Variants in NUMB observed in about 807,000 individuals in gnomAD.
The protein encoded by NUMB is NUMB endocytic adaptor protein, also known as protein numb homolog.
NUMB carries 29 observed loss-of-function variants against 59.7 expected under a neutral mutation model. That is an observed-to-expected ratio of 0.49 (90% CI 0.36 to 0.66). The LOEUF is 0.66. NUMB is among the 30% of genes least tolerant of loss of function. The pLI, the probability that NUMB is intolerant of heterozygous loss-of-function variation, is 0.00. For missense variants in NUMB, 723 were observed against 822.0 expected, an observed-to-expected ratio of 0.88 and a Z score of 1.47; for synonymous variants, 288 against 288.2, an observed-to-expected ratio of 1.00 and a Z score of 0.01.
At chr14:73,392,762 G>A (rs972306503) in intron 2 of NUMB, among the ~76,000 whole-genome samples, 5 of 152,242 alleles carry the variant, frequency 3.3e-5, no homozygotes, top group African/African-American at 1.2e-4. Context: ...CATCTAGCAG[G>A]TAGCAGTTCA....
intron 2 of NUMB, among the ~76,000 whole-genome samples, chr14:73,367,296 TAC>T (rs1196520524): frequency 0.065 from 7,796 of 120,712 alleles, 260 homozygotes; most frequent in Non-Finnish European, 0.072. Flanking sequence ...TATATATATA[TAC>T]ACACACACAC....
At chr14:73,389,984 C>G (rs1895762310) in intron 2 of NUMB, among the ~76,000 whole-genome samples, 3 of 151,424 alleles carry the variant, frequency 2.0e-5, no homozygotes. Flanking sequence ...ATAACATAAC[C>G]CATGTTAGGA....
At chr14:73,440,317 A>G (rs1257813708) in intron 1 of NUMB, among the ~76,000 whole-genome samples, 1 of 151,798 alleles carries the variant, frequency 6.6e-6, no homozygotes, top group Non-Finnish European at 1.5e-5. Context: ...ATATATCTCA[A>G]CAGAAGAATT....
At chr14:73,279,199 C>T in intron 12 of NUMB, 82 bp downstream of exon 12, 1 of 1,484,320 alleles carries the variant, frequency 6.7e-7, no homozygotes, top group South Asian at 1.2e-5. Flanking sequence ...CCCTAGTTCC[C>T]ACTCAGCTAA....
At chr14:73,325,676 G>A (rs1204275933) in intron 4 of NUMB, among the ~76,000 whole-genome samples, 1 of 152,156 alleles carries the variant, frequency 6.6e-6, no homozygotes, top group Non-Finnish European at 1.5e-5. Context: ...AAAAGCGAGT[G>A]CTGTGATACA....
chr14:73,304,297 GTTTC>G (rs752150508), intron 6 of NUMB, among the ~76,000 whole-genome samples: 20 of 150,168 alleles, frequency 1.3e-4, no homozygotes, highest in East Asian at 1.2e-3. Flanking sequence ...AGAAACCACT[GTTTC>G]TTTCTTTCTT....
chr14:73,304,997 C>T (rs936038082), intron 6 of NUMB, among the ~76,000 whole-genome samples: 8 of 151,986 alleles, frequency 5.3e-5, no homozygotes, highest in Admixed American at 1.3e-4. Flanking sequence ...GAACTGCTGA[C>T]CTCAGGTGAT....
At chr14:73,427,016 C>T (rs1897612296) in intron 1 of NUMB, among the ~76,000 whole-genome samples, 4 of 152,064 alleles carry the variant, frequency 2.6e-5, no homozygotes, top group Admixed American at 2.0e-4. Context: ...GAGACTCTTA[C>T]ATTTAAAAAA....
chr14:73,451,159 A>C lies in NUMB; in HGVS notation c.-233+7334T>G, dbSNP rs560114005. Reference sequence around the variant, plus strand: ...ACAGAGCAGGACTCTGTCTCAAAAAAAAAAAAAAAAAAAAACAAAAAACAA... The same window carrying C: ...ACAGAGCAGGACTCTGTCTCAAAAACAAAAAAAAAAAAAAACAAAAAACAA... On this transcript the variant is annotated intron_variant, in intron 1 of 12. Coordinates refer to ENST00000555238, the MANE Select transcript of NUMB (RefSeq NM_001005743.2). Among the ~76,000 whole-genome samples the C allele has an allele frequency of 1.1e-3, 162 of 145,584 alleles. 5 individuals carry two copies. The highest frequency in any genetic ancestry group is 3.5e-3 in the Middle Eastern group (1 of 288).
chr14:73,404,076 GAA>G (rs34056438), intron 2 of NUMB, among the ~76,000 whole-genome samples: 3 of 128,080 alleles, frequency 2.3e-5, no homozygotes, highest in Non-Finnish European at 3.3e-5. Flanking sequence ...GACTCCGTCT[GAA>G]AAAAAAAAAA....
chr14:73,278,819 C>T (rs1888390572), intron 12 of NUMB, among the ~76,000 whole-genome samples: 1 of 148,888 alleles, frequency 6.7e-6, no homozygotes, highest in Non-Finnish European at 1.5e-5. Flanking sequence ...ACTCTGTCTC[C>T]CAGGTTCAAG....
intron 5 of NUMB, among the ~76,000 whole-genome samples, chr14:73,318,744 T>C (rs1891219696): frequency 1.3e-5 from 2 of 152,290 alleles, no homozygotes; most frequent in South Asian, 4.1e-4. Context: ...AGTAAATGAG[T>C]TGAAAATAGC....
At chr14:73,376,791 T>A (rs1894968601) in intron 2 of NUMB, among the ~76,000 whole-genome samples, 1 of 152,176 alleles carries the variant, frequency 6.6e-6, no homozygotes. Flanking sequence ...GTGGGAAGAC[T>A]GCTTGAGTCC....
intron 1 of NUMB, among the ~76,000 whole-genome samples, chr14:73,421,085 C>A (rs1897327387): frequency 6.6e-6 from 1 of 152,120 alleles, no homozygotes; most frequent in African/African-American, 2.4e-5. Context: ...AAATAAATTG[C>A]AAATAGGTAA....
rs1566721172 is a variant in NUMB at position 73,276,998 on chromosome 14, A to C, written c.1536T>G (p.Pro512=). Residue 512 remains proline (P), a synonymous_variant, in exon 13 of 13, where the codon CCT becomes CCG. Transcript: ENST00000555238. ...QPAFVPAQSY[P]VANGMPYPAP... Reference sequence around the variant, plus strand: ...CTGGATAGGGCATTCCATTGGCCACAGGATAGGACTGGGCAGGGACAAAGG... The same window carrying C: ...CTGGATAGGGCATTCCATTGGCCACCGGATAGGACTGGGCAGGGACAAAGG... 35 of 1,614,188 alleles carry C rather than the reference A, an allele frequency of 2.2e-5. No individual in the cohort carries two copies. The highest frequency in any genetic ancestry group is 2.8e-5 in the Non-Finnish European group (33 of 1,180,038).
chr14:73,403,326 C>T (rs1183015274), intron 2 of NUMB, among the ~76,000 whole-genome samples: 1 of 152,226 alleles, frequency 6.6e-6, no homozygotes, highest in Non-Finnish European at 1.5e-5. Context: ...AGGTTTTCAA[C>T]TGCTTACAGC....
intron 12 of NUMB, among the ~76,000 whole-genome samples, chr14:73,278,067 A>AAC (rs1888321614): frequency 6.6e-6 from 1 of 151,336 alleles, no homozygotes; most frequent in Non-Finnish European, 1.5e-5. Flanking sequence ...AAAAAAAAAA[A>AAC]ACACCTAGCT....
intron 8 of NUMB, among the ~76,000 whole-genome samples, chr14:73,289,868 G>A (rs1358784437): frequency 6.6e-6 from 1 of 152,172 alleles, no homozygotes; most frequent in African/African-American, 2.4e-5. Flanking sequence ...TACAGGTCAA[G>A]GAAGCTTGCT....
At chr14:73,383,347 AAACT>A (rs1340028177) in intron 2 of NUMB, among the ~76,000 whole-genome samples, 4 of 152,214 alleles carry the variant, frequency 2.6e-5, no homozygotes, top group Non-Finnish European at 4.4e-5. Context: ...ACATAATATA[AAACT>A]AACAATATAG....
Sources: gnomAD v4.1 joint callset for allele counts (sites outside exome capture counted in the v4.1 genomes callset) on GRCh38, gnomAD v4.1.1 for gene constraint, MANE v1.5 for transcripts, NCBI Gene and HGNC (gene_info 2026-07-23, HGNC 2026-07-21) for gene names.